The following TLE3 variants were observed in gnomAD, a reference collection of about 807,000 sequenced individuals.
TLE3 encodes TLE family member 3, transcriptional corepressor.
A neutral mutation model predicts 93.0 loss-of-function variants in TLE3; 14 were observed. The ratio of observed to expected loss-of-function variants is 0.15; its 90% CI spans 0.10 to 0.24. The LOEUF is 0.24. Ranked by LOEUF, TLE3 falls within the 10% of genes least tolerant of loss-of-function variation. The pLI is 1.00. For missense variants in TLE3, 693 were observed against 1,046.6 expected (o/e 0.66, Z 4.66); for synonymous variants, 451 against 425.0 (o/e 1.06, Z -0.75).
In TLE3 at chr15:70,055,276, C is replaced by A; in HGVS notation, c.1351G>T (p.Ala451Ser). ...GGCACGGGCTGCATCTGCCCATCAG[C>A]ACTCACATGGAATGAGTACGCTCTG... ...GKPAYSFHVS[A>S]DGQMQPVPFP... Residue 451 changes from alanine (A) to serine (S), a missense_variant, in exon 15 of 20, where the codon GCT becomes TCT. Coordinates refer to ENST00000451782, the MANE Select transcript of TLE3 (RefSeq NM_001105192.3). 6.3e-7 allele frequency: 1 copy of A among 1,596,066 alleles called. No individual in the cohort carries two copies. The highest frequency in any genetic ancestry group is 8.5e-7 in the Non-Finnish European group (1 of 1,172,018).
At chr15:70,059,690 AC>A in intron 9 of TLE3, among the ~76,000 whole-genome samples, 2 of 152,272 alleles carry the variant, frequency 1.3e-5, no homozygotes, top group South Asian at 4.1e-4. Flanking sequence ...CCACTCCTGT[AC>A]CCACTGGGCA....
At chr15:70,072,687 T>C (rs905609782) in intron 6 of TLE3, among the ~76,000 whole-genome samples, 7 of 152,206 alleles carry the variant, frequency 4.6e-5, no homozygotes, top group Non-Finnish European at 7.3e-5. Flanking sequence ...GGCATTGAGC[T>C]AGATCAGAGG....
chr15:70,078,273 G>A (rs1248698557), intron 4 of TLE3, among the ~76,000 whole-genome samples: 1 of 152,114 alleles, frequency 6.6e-6, no homozygotes, highest in Admixed American at 6.5e-5. Context: ...GGTTGGATAG[G>A]GCAGGAGTTC....
Position 70,058,159 on chromosome 15 carries a change from C to T in TLE3, c.1051G>A (p.Ala351Thr), listed in dbSNP as rs1235652988. ...AGCCCATGGTGCCTACCCATTATAC[C>T]TATCGGGTCCATGCCCGGAGGTTTA... ...PGKPPGMDPI[A>T]SALRTPISIT... is the part of the protein sequence containing the mutation. Residue 351 changes from alanine (A) to threonine (T), a missense_variant and splice_region_variant, in exon 12 of 20, where the codon GCC becomes ACC. This residue lies in a region of TLE3 where 405 missense variants were observed against 468.9 expected (regional missense o/e 0.86). Transcript: ENST00000451782. This position sits in a 1 kb window ranked among gnomAD's most constrained non-coding sequence, Gnocchi z 4.1. 1 of 1,613,992 alleles carries T rather than the reference C, an allele frequency of 6.2e-7. No homozygotes were observed. Among genetic ancestry groups the T allele is most frequent in the Non-Finnish European group, 8.5e-7 (1 of 1,179,872 alleles).
intron 14 of TLE3, 185 bp downstream of exon 14, chr15:70,056,113 T>C: frequency 4.4e-6 from 3 of 682,260 alleles, no homozygotes; most frequent in Non-Finnish European, 2.6e-6. Context: ...GAAGTGTGGC[T>C]TGGCTACAGT....
chr15:70,087,260 A>C (rs1020042696), intron 4 of TLE3, among the ~76,000 whole-genome samples: 10 of 151,668 alleles, frequency 6.6e-5, no homozygotes, highest in African/African-American at 2.4e-4. Flanking sequence ...CACCTCCCCA[A>C]CCCCAATTTG....
chr15:70,056,034 C>T, intron 14 of TLE3: 1 of 554,742 alleles, frequency 1.8e-6, no homozygotes, highest in Non-Finnish European at 3.3e-6. Flanking sequence ...CCTTCTCTCC[C>T]AGCCCAGTGG....
intron 4 of TLE3, among the ~76,000 whole-genome samples, chr15:70,094,184 G>A (rs2058440885): frequency 1.3e-5 from 2 of 151,018 alleles, no homozygotes; most frequent in South Asian, 4.2e-4. Context: ...ATTTCCTCTT[G>A]AGAATTTTAC....
intron 4 of TLE3, 54 bp from the exon 5 acceptor site, chr15:70,076,212 A>C: frequency 6.4e-7 from 1 of 1,571,152 alleles, no homozygotes. Flanking sequence ...AAGTCACTGA[A>C]ATGTCATAGG....
At chr15:70,064,309 A>T in intron 8 of TLE3, 145 bp downstream of exon 8, 1 of 941,322 alleles carries the variant, frequency 1.1e-6, no homozygotes, top group Non-Finnish European at 1.6e-6. Context: ...ATCCCTAGTT[A>T]CAACCCACAG....
intron 4 of TLE3, among the ~76,000 whole-genome samples, chr15:70,078,369 A>G (rs947029181): frequency 1.3e-5 from 2 of 152,200 alleles, no homozygotes; most frequent in African/African-American, 4.8e-5. Flanking sequence ...AAATAAGAAT[A>G]GAAAGATATG....
intron 4 of TLE3, among the ~76,000 whole-genome samples, chr15:70,094,295 G>A (rs1028369473): frequency 5.3e-5 from 8 of 151,646 alleles, no homozygotes; most frequent in Non-Finnish European, 7.4e-5. Flanking sequence ...ATCCTCCACC[G>A]AGATCCAAGA....
At chr15:70,093,767 A>G (rs1055305226) in intron 4 of TLE3, among the ~76,000 whole-genome samples, 6 of 152,250 alleles carry the variant, frequency 3.9e-5, no homozygotes, top group Non-Finnish European at 5.9e-5. Context: ...GAAGAGTGAC[A>G]ATACCAGGTA....
chr15:70,052,970 G>A (rs542756088), intron 17 of TLE3: 22 of 457,094 alleles, frequency 4.8e-5, no homozygotes, highest in South Asian at 4.4e-4. Context: ...TGAGGACGCC[G>A]AGGACAAAGT....
rs761062149 is a variant in TLE3, at chr15:70,096,831, A to G, written c.-33T>C. 1.2e-6 allele frequency: 2 copies of G among 1,606,388 alleles called. No homozygotes were observed. The highest frequency in any genetic ancestry group is 1.7e-5 in the Admixed American group (1 of 59,474). ...AGGGGTCGTGATTCCGAGAGCGTGG[A>G]AGCGCCGAGAGCCCGGGCCGGGGAG... is the stretch of plus-strand genomic sequence containing the variant. On this transcript the variant is annotated 5_prime_UTR_variant, in exon 1 of 20. Transcript: ENST00000451782.
At chr15:70,065,594 T>C (rs1030621639) in intron 7 of TLE3, among the ~76,000 whole-genome samples, 1 of 152,248 alleles carries the variant, frequency 6.6e-6, no homozygotes, top group Non-Finnish European at 1.5e-5. Flanking sequence ...CAAGACATTT[T>C]CCAGGGGTAG....
chr15:70,095,472 G>A (rs2058508820), intron 3 of TLE3, 106 bp downstream of exon 3: 1 of 1,545,488 alleles, frequency 6.5e-7, no homozygotes, highest in South Asian at 1.2e-5. Flanking sequence ...GCCGCCCTGC[G>A]GCTGGGCGGT....
rs200751320 is a variant in TLE3 at position 70,056,287 on chromosome 15, C to T, written c.1328+11G>A. On this transcript the variant is annotated intron_variant, in intron 14 of 19. Transcript: ENST00000451782. ...CCTACAAAGCATGCAGTAAGTATAG[C>T]CAAAGCTTACGGTTTTCCTCCAGGA... The T allele has an allele frequency of 2.0e-5, 32 of 1,613,316 alleles. No homozygotes were observed. Among genetic ancestry groups the T allele is most frequent in the Non-Finnish European group, 2.6e-5 (31 of 1,179,768 alleles).
At chr15:70,064,646 G>A (rs1264679438) in intron 7 of TLE3, among the ~76,000 whole-genome samples, 176 bp from the exon 8 acceptor site, 2 of 152,152 alleles carry the variant, frequency 1.3e-5, no homozygotes, top group Non-Finnish European at 2.9e-5. Flanking sequence ...CCAAGGCAGG[G>A]CCATTAGGTG....
Sources: gnomAD v4.1 joint callset for allele counts (sites outside exome capture counted in the v4.1 genomes callset) on GRCh38, gnomAD v4.1.1 for gene constraint, gnomAD v4.1.1 regional missense constraint, Gnocchi (gnomAD v3.1) non-coding constraint, MANE v1.5 for transcripts, NCBI Gene and HGNC (gene_info 2026-07-23, HGNC 2026-07-21) for gene names.